The following BFSP2 variants were observed in gnomAD, a reference collection of about 807,000 sequenced individuals.
The protein encoded by BFSP2 is beaded filament structural protein 2.
Under a neutral mutation model 44.9 loss-of-function variants are expected in BFSP2, and 38 were observed. The observed-to-expected ratio is 0.85, with a 90% CI of 0.65 to 1.11. The LOEUF is 1.11. Ranked by LOEUF, BFSP2 falls within the 50% of genes least tolerant of loss-of-function variation. The pLI, the probability that BFSP2 is intolerant of heterozygous loss-of-function variation, is 0.00. For missense variants in BFSP2, 525 were observed against 533.0 expected (o/e 0.99, Z 0.15); for synonymous variants, 197 against 209.9 (o/e 0.94, Z 0.53).
intron 1 of BFSP2, among the ~76,000 whole-genome samples, chr3:133,407,754 A>G (rs1283442144): frequency 6.6e-6 from 1 of 152,220 alleles, no homozygotes; most frequent in Non-Finnish European, 1.5e-5. Flanking sequence ...AGTATTGATG[A>G]AGGCAGCATT....
intron 1 of BFSP2, among the ~76,000 whole-genome samples, chr3:133,403,044 CT>C (rs1458919028): frequency 6.6e-6 from 1 of 152,144 alleles, no homozygotes; most frequent in Non-Finnish European, 1.5e-5. Flanking sequence ...AGAAATGCTC[CT>C]GATTTTTTCA....
intron 5 of BFSP2, among the ~76,000 whole-genome samples, chr3:133,467,292 CCT>C (rs1334337054): frequency 3.3e-5 from 5 of 152,196 alleles, no homozygotes; most frequent in Non-Finnish European, 7.3e-5. Flanking sequence ...AAGGTTAGGC[CCT>C]GCCCCCCAAG....
At chr3:133,412,089 C>G (rs2073459792) in intron 1 of BFSP2, among the ~76,000 whole-genome samples, 1 of 152,128 alleles carries the variant, frequency 6.6e-6, no homozygotes, top group African/African-American at 2.4e-5. Flanking sequence ...CCAGTACAGG[C>G]TGAAATATTT....
intron 1 of BFSP2, among the ~76,000 whole-genome samples, chr3:133,434,399 A>C (rs1008797449): frequency 3.3e-5 from 5 of 152,086 alleles, no homozygotes; most frequent in African/African-American, 1.2e-4. Context: ...GTTCCCACGC[A>C]GCCCCTAATC....
chr3:133,438,858 G>A (rs1238449593), intron 1 of BFSP2, among the ~76,000 whole-genome samples: 1 of 152,114 alleles, frequency 6.6e-6, no homozygotes, highest in Non-Finnish European at 1.5e-5. Flanking sequence ...TGGAGGGATG[G>A]GGGGGTCATT....
At chr3:133,443,784 G>A (rs1321188893) in intron 1 of BFSP2, among the ~76,000 whole-genome samples, 1 of 152,142 alleles carries the variant, frequency 6.6e-6, no homozygotes, top group Non-Finnish European at 1.5e-5. Flanking sequence ...CAGGAGCTCA[G>A]TCTTACCCAC....
At chr3:133,438,392 G>A (rs529665098) in intron 1 of BFSP2, among the ~76,000 whole-genome samples, 1 of 152,130 alleles carries the variant, frequency 6.6e-6, no homozygotes, top group African/African-American at 2.4e-5. Flanking sequence ...AAAATTAGCT[G>A]GGTGTGGTGG....
chr3:133,445,626 C>A (rs1284888870), intron 1 of BFSP2: 1 of 152,106 alleles, frequency 6.6e-6, no homozygotes, highest in Non-Finnish European at 1.5e-5. Context: ...TTATACTGAA[C>A]ATGTGGGCTT....
chr3:133,474,481 C>A (rs2074196605), intron 6 of BFSP2, among the ~76,000 whole-genome samples: 1 of 152,232 alleles, frequency 6.6e-6, no homozygotes, highest in Non-Finnish European at 1.5e-5. Flanking sequence ...GAAAATATGT[C>A]ATCCAGCTCC....
chr3:133,425,852 A>AAATAAAGAAGGGAAG (rs1553779106), intron 1 of BFSP2, among the ~76,000 whole-genome samples: 1 of 95,580 alleles, frequency 1.0e-5, no homozygotes, highest in African/African-American at 6.6e-5. Context: ...AAGAAGGGAA[A>AAATAAAGAAGGGAAG]GGAAGGGAAG....
intron 1 of BFSP2, among the ~76,000 whole-genome samples, chr3:133,408,596 C>G (rs1216246577): frequency 6.6e-6 from 1 of 152,164 alleles, no homozygotes; most frequent in African/African-American, 2.4e-5. Flanking sequence ...ATCTGTAATA[C>G]CAAAATACTG....
intron 1 of BFSP2, among the ~76,000 whole-genome samples, chr3:133,428,509 CA>C (rs2073675879): frequency 6.6e-6 from 1 of 150,658 alleles, no homozygotes; most frequent in African/African-American, 2.4e-5. Context: ...TGGGTCAGAG[CA>C]GTGACAGTAC....
chr3:133,447,682 GC>G (rs1324683081), intron 2 of BFSP2, among the ~76,000 whole-genome samples: 1 of 152,010 alleles, frequency 6.6e-6, no homozygotes, highest in Non-Finnish European at 1.5e-5. Flanking sequence ...AGATTGCTGC[GC>G]CCCACCCTGT....
At chr3:133,422,069 T>C (rs2073597699) in intron 1 of BFSP2, among the ~76,000 whole-genome samples, 1 of 131,048 alleles carries the variant, frequency 7.6e-6, no homozygotes, top group African/African-American at 3.1e-5. Context: ...ATAGCGCCAC[T>C]GCACTCCAGC....
chr3:133,426,464 C>G (rs1017228934), intron 1 of BFSP2, among the ~76,000 whole-genome samples: 1 of 152,226 alleles, frequency 6.6e-6, no homozygotes, highest in Admixed American at 6.5e-5. Context: ...TCCCTTATCC[C>G]TTTTCTACAA....
intron 3 of BFSP2, 98 bp from the exon 4 acceptor site, chr3:133,450,205 G>C: frequency 7.2e-7 from 1 of 1,394,726 alleles, no homozygotes; most frequent in Non-Finnish European, 1.0e-6. Flanking sequence ...TGTGGAATGA[G>C]AAAAGAATTG....
In BFSP2 at chr3:133,460,590, T is replaced by C. The variant is rs767185574; in HGVS notation, c.892-6238T>C. Among the ~76,000 whole-genome samples, 73 of 152,292 alleles carry C rather than the reference T, an allele frequency of 4.8e-4. 1 individual carries two copies. Among genetic ancestry groups the C allele is most frequent in the Middle Eastern group, 3.4e-3 (1 of 294 alleles). On this transcript the variant is annotated intron_variant, in intron 4 of 6. Transcript: ENST00000302334. ...TTTTTAAGAATAAATAAGTGACATC[T>C]TGTGGAATGTGAGGTTGGAGAGGCC... is the stretch of plus-strand genomic sequence containing the variant.
In BFSP2 at chr3:133,424,218, T is replaced by TGTGTGTGTGTGTGTGTG. The variant is rs1473665826; in HGVS notation, c.490-23099_490-23098insGTGTGTGTGTGTGTGTG. Among the ~76,000 whole-genome samples, 99 of 64,802 alleles carry TGTGTGTGTGTGTGTGTG rather than the reference T, an allele frequency of 1.5e-3. 3 individuals are homozygous for TGTGTGTGTGTGTGTGTG. The highest frequency in any genetic ancestry group is 4.5e-3 in the African/African-American group (86 of 19,080). The allele number at this position is 64,802 out of a possible 152,430, so 42.5% of individuals were successfully genotyped here. On this transcript the variant is annotated intron_variant, in intron 1 of 6. Coordinates refer to ENST00000302334, the MANE Select transcript of BFSP2 (RefSeq NM_003571.4). ...CTACCACCGCGTCCAGCTAATTTTT[T>TGTGTGTGTGTGTGTGTG]TTTTTTTTTTTTTTTTTTTTTTTGT...
At chr3:133,463,060 G>A (rs1007020082) in intron 4 of BFSP2, among the ~76,000 whole-genome samples, 2 of 152,184 alleles carry the variant, frequency 1.3e-5, no homozygotes, top group African/African-American at 2.4e-5. Context: ...TGAAATCCCA[G>A]CACTTTGGGA....
Sources: allele counts gnomAD v4.1 joint callset (sites outside exome capture counted in the v4.1 genomes callset), GRCh38; gene constraint gnomAD v4.1.1; transcripts MANE v1.5; gene names NCBI Gene and HGNC (gene_info 2026-07-23, HGNC 2026-07-21).